The following E2F7 variants were observed in gnomAD, a reference collection of about 807,000 sequenced individuals.
E2F7 encodes E2F transcription factor 7.
A neutral mutation model predicts 81.1 loss-of-function variants in E2F7; 35 were observed. The observed-to-expected ratio is 0.43, with a 90% confidence interval of 0.33 to 0.57. E2F7 has a LOEUF of 0.57. E2F7 is among the 20% of genes least tolerant of loss of function. E2F7 has a pLI of 0.04. For missense variants in E2F7, 961 were observed against 1,093.7 expected, an observed-to-expected ratio of 0.88 and a Z score of 1.71; for synonymous variants, 416 against 416.2, an observed-to-expected ratio of 1.00 and a Z score of 0.01.
Position 77,030,222 on chromosome 12 carries a change from G to C in E2F7, c.1493C>G (p.Ala498Gly). 1 of 1,614,128 alleles carries C rather than the reference G, an allele frequency of 6.2e-7. No individual in the cohort carries two copies. The highest frequency in any genetic ancestry group is 8.5e-7 in the Non-Finnish European group (1 of 1,179,994). Residue 498 changes from alanine (A) to glycine (G), a missense_variant, in exon 10 of 13, where the codon GCC becomes GGC. By Grantham distance (60) the Ala-to-Gly change is moderately conservative. This residue lies in a region of E2F7 where 587 missense variants were observed against 620.3 expected (regional missense o/e 0.95). Transcript: ENST00000322886. Reference sequence around the variant, plus strand: ...CTGAGCAACAGAAAATACTGGGTGGGCTAAAGGATTAACACAATATTCTGG... The same window carrying C: ...CTGAGCAACAGAAAATACTGGGTGGCCTAAAGGATTAACACAATATTCTGG... Reference protein sequence around the residue: ...VDPEYCVNPLAHPVFSVAQTD... With the variant: ...VDPEYCVNPLGHPVFSVAQTD...
chr12:77,050,717 C>A lies in E2F7; in HGVS notation c.397G>T (p.Asp133Tyr). The change falls in exon 4 of 13, where the codon GAC (aspartate) becomes TAC (tyrosine). Residue 133 changes from aspartate to tyrosine, a missense_variant. Around this residue, in one of 3 missense-constraint regions of E2F7, gnomAD observed 301 missense variants for 405.0 expected, o/e 0.74. Transcript: ENST00000322886. ...QLDVVGDSAV[D>Y]EFEKQRPSRK... ...CTTGGCCTTTGCTTTTCAAATTCGTCCACAGCACTGTCCCCAACAACATCA... is the reference window on the plus strand; with the variant it reads ...CTTGGCCTTTGCTTTTCAAATTCGTACACAGCACTGTCCCCAACAACATCA... 1.2e-6 allele frequency: 2 copies of A among 1,613,740 alleles called. No homozygotes were observed. The highest frequency in any genetic ancestry group is 2.2e-5 in the South Asian group (2 of 91,056).
chr12:77,063,809 G>A (rs746119521), intron 2 of E2F7, among the ~76,000 whole-genome samples: 2 of 152,180 alleles, frequency 1.3e-5, no homozygotes, highest in African/African-American at 4.8e-5. Context: ...CCAGGAGCTC[G>A]GAGAAGTTCA....
chr12:77,055,423 G>C (rs1240153118), intron 3 of E2F7, among the ~76,000 whole-genome samples: 1 of 151,368 alleles, frequency 6.6e-6, no homozygotes, highest in African/African-American at 2.4e-5. Flanking sequence ...CCACAGAACA[G>C]GTAATTTAAA....
chr12:77,036,339 T>A (rs1235609773), intron 7 of E2F7, among the ~76,000 whole-genome samples: 1 of 152,078 alleles, frequency 6.6e-6, no homozygotes, highest in Non-Finnish European at 1.5e-5. Context: ...CCAGAAACTA[T>A]GCAGGCTAGA....
intron 2 of E2F7, among the ~76,000 whole-genome samples, chr12:77,063,910 A>C (rs1565916414): frequency 6.6e-6 from 1 of 152,226 alleles, no homozygotes; most frequent in South Asian, 2.1e-4. Context: ...ATGCTCAGAT[A>C]GTTTAGACAT....
intron 9 of E2F7, among the ~76,000 whole-genome samples, 158 bp from the exon 10 acceptor site, chr12:77,030,490 T>C (rs908876656): frequency 6.6e-6 from 1 of 152,086 alleles, no homozygotes; most frequent in Admixed American, 6.6e-5. Flanking sequence ...ATCCCAGAGT[T>C]AGACGCCCAG....
At chr12:77,040,788 T>C (rs777315847) in intron 7 of E2F7, among the ~76,000 whole-genome samples, 2 of 152,172 alleles carry the variant, frequency 1.3e-5, no homozygotes, top group African/African-American at 2.4e-5. Flanking sequence ...TACATACCTA[T>C]GAAAAACTTA....
In E2F7 at chr12:77,061,029, C is replaced by G. The variant is rs182537930; in HGVS notation, c.93+3514G>C. ...TGAGATACCACTGTTTCTTTCTCTCCTGGTTCTTCTCATACTTCTGATTGT... is the reference window on the plus strand; with the variant it reads ...TGAGATACCACTGTTTCTTTCTCTCGTGGTTCTTCTCATACTTCTGATTGT... On this transcript the variant is annotated intron_variant, in intron 2 of 12. Transcript: ENST00000322886. 3.8e-4 allele frequency among the ~76,000 whole-genome samples: 58 copies of G among 152,276 alleles called. No individual in the cohort carries two copies. The South Asian group carries it at 6.4e-3, about 17-fold the overall frequency.
chr12:77,055,355 CTTT>C (rs78320507), intron 3 of E2F7, among the ~76,000 whole-genome samples: 15 of 141,734 alleles, frequency 1.1e-4, no homozygotes, highest in Non-Finnish European at 1.6e-4. Flanking sequence ...AAATAATTAC[CTTT>C]TTTTTTTTTT....
At chr12:77,036,961 G>C (rs1954855575) in intron 7 of E2F7, among the ~76,000 whole-genome samples, 1 of 152,146 alleles carries the variant, frequency 6.6e-6, no homozygotes, top group Non-Finnish European at 1.5e-5. Context: ...GTGTTAGCCA[G>C]GATGGTCTCA....
Position 77,033,884 on chromosome 12 carries a change from G to A in E2F7, c.1282C>T (p.Pro428Ser), listed in dbSNP as rs755147984. The A allele has an allele frequency of 6.2e-6, 10 of 1,613,080 alleles. No individual in the cohort carries two copies. Among genetic ancestry groups the A allele is most frequent in the African/African-American group, 4.0e-5 (3 of 74,852 alleles). Residue 428 changes from proline (P) to serine (S), a missense_variant, in exon 8 of 13, where the codon CCG becomes TCG. Pro to Ser is a moderately conservative substitution (Grantham distance 74). Transcript: ENST00000322886. ...TGTTCTTCTCTGTACGGGCTGCTCG[G>A]TTCTGAGTTCACTTTCCTCTGGATC... The part of the protein sequence containing the change: ...ERIQRKVNSE[P>S]SSPYREEQGS...
rs1954722718 is a variant in E2F7 at position 77,022,639 on chromosome 12, T to G, written c.*1376A>C. On this transcript the variant is annotated 3_prime_UTR_variant, in exon 13 of 13. Transcript: ENST00000322886. ...GAGGAAGAGGAAGGAAGAAAAGAAG[T>G]AGGAAGGAGGGAAGGAAGAGAGAAT... The G allele has an allele frequency of 6.6e-6, 1 of 151,244 alleles. No individual in the cohort carries two copies. Among genetic ancestry groups the G allele is most frequent in the African/African-American group, 2.4e-5 (1 of 40,974 alleles). The allele number at this position is 151,244 out of a possible 1,614,324, so 9.4% of individuals were successfully genotyped here.
chr12:77,063,565 C>T (rs754478862), intron 2 of E2F7, among the ~76,000 whole-genome samples: 5 of 152,182 alleles, frequency 3.3e-5, no homozygotes, highest in Non-Finnish European at 4.4e-5. Flanking sequence ...GTTTCAGGTA[C>T]TCACTGCAGG....
At chr12:77,054,377 T>A (rs1955014492) in intron 3 of E2F7, among the ~76,000 whole-genome samples, 1 of 151,650 alleles carries the variant, frequency 6.6e-6, no homozygotes, top group Admixed American at 6.6e-5. Flanking sequence ...AGAAACAAAC[T>A]ATGGGAAATT....
At chr12:77,044,910 T>C in intron 5 of E2F7, 115 bp from the exon 6 acceptor site, 1 of 1,225,958 alleles carries the variant, frequency 8.2e-7, no homozygotes, top group Non-Finnish European at 1.1e-6. Flanking sequence ...ATCACCCTTG[T>C]CATTGGCAGA....
At chr12:77,025,276 A>G (rs959807230) in intron 12 of E2F7, among the ~76,000 whole-genome samples, 1 of 152,204 alleles carries the variant, frequency 6.6e-6, no homozygotes, top group African/African-American at 2.4e-5. Context: ...AATATTTAGC[A>G]TTCCTCAAAA....
At chr12:77,041,808 T>C (rs1272521742) in intron 7 of E2F7, among the ~76,000 whole-genome samples, 5 of 152,240 alleles carry the variant, frequency 3.3e-5, no homozygotes, top group African/African-American at 1.2e-4. Context: ...ATGCTAACTA[T>C]ATGCCTAATT....
In E2F7 at chr12:77,030,308, T is replaced by C; in HGVS notation, c.1407A>G (p.Arg469=). ...NSQGKAFASK[R]VVPPSSSLDP... ...CCAAGCTGCTTGATGGAGGCACCACTCTCTTACTGGCAAAGGCTTTTCCCC... is the reference window on the plus strand; with the variant it reads ...CCAAGCTGCTTGATGGAGGCACCACCCTCTTACTGGCAAAGGCTTTTCCCC... Residue 469 remains arginine (R), a synonymous_variant, in exon 10 of 13, where the codon AGA becomes AGG. Coordinates refer to ENST00000322886, the MANE Select transcript of E2F7 (RefSeq NM_203394.3). 1 of 1,557,690 alleles carries C rather than the reference T, an allele frequency of 6.4e-7. No individual in the cohort carries two copies. Among genetic ancestry groups the C allele is most frequent in the Non-Finnish European group, 8.7e-7 (1 of 1,152,004 alleles).
In E2F7 at chr12:77,050,643, G is replaced by C. The variant is rs1179374757; in HGVS notation, c.471C>G (p.Arg157=). The change falls in exon 4 of 13, where the codon CGC becomes CGG. Residue 157 remains arginine (R), a synonymous_variant. Transcript: ENST00000322886. ...CAGTTGACAAGGGATAACTTGGATA[G>C]CGAGCTAGAAACTTCTGGCACAGGA... The part of the protein sequence containing the change: ...LGLLCQKFLA[R]YPSYPLSTEK... 1.9e-6 allele frequency: 3 copies of C among 1,614,062 alleles called. No individual in the cohort carries two copies. The South Asian group carries it at 3.3e-5, about 18-fold the overall frequency.
Sources: gnomAD v4.1 joint callset for allele counts (sites outside exome capture counted in the v4.1 genomes callset) on GRCh38, gnomAD v4.1.1 for gene constraint, gnomAD v4.1.1 regional missense constraint, MANE v1.5 for transcripts, NCBI Gene and HGNC (gene_info 2026-07-23, HGNC 2026-07-21) for gene names.